The following RRAGD variants were observed in gnomAD, a reference collection of about 807,000 sequenced individuals.
RRAGD encodes ras-related GTP-binding protein D.
In RRAGD, 12 loss-of-function variants were observed where a neutral mutation model predicts 35.5. The observed-to-expected ratio is 0.34, with a 90% CI of 0.22 to 0.55. RRAGD has a LOEUF of 0.55. Ranked by LOEUF, RRAGD falls within the 20% of genes least tolerant of loss-of-function variation. The pLI is 0.91. For missense variants in RRAGD, 324 were observed against 490.1 expected (o/e 0.66, Z 3.20); for synonymous variants, 155 against 178.9 (o/e 0.87, Z 1.07).
rs1263730778 is a variant in RRAGD, at chr6:89,368,052, T to C, written c.*4A>G. ...GATTTCAAAAGACATTCCTGAAACC[T>C]CACCTACAGCAGCACTCTAGGGGTC... On this transcript the variant is annotated 3_prime_UTR_variant, in exon 7 of 7. Transcript: ENST00000369415. 1.3e-6 allele frequency: 2 copies of C among 1,591,232 alleles called. No homozygotes were observed. The highest frequency in any genetic ancestry group is 3.6e-5 in the Admixed American group (2 of 55,184).
intron 5 of RRAGD, 38 bp downstream of exon 5, chr6:89,377,633 G>A (rs1346433922): frequency 6.7e-7 from 1 of 1,491,652 alleles, no homozygotes; most frequent in East Asian, 2.5e-5. Context: ...ATGAAGGAAG[G>A]ATGGCTTGAT....
chr6:89,380,562 A>T (rs12055443), intron 2 of RRAGD, among the ~76,000 whole-genome samples, 195 bp from the exon 3 acceptor site: 6,165 of 152,214 alleles, frequency 0.041, 374 homozygotes, highest in East Asian at 0.27. Flanking sequence ...AAGAAAGGCT[A>T]AAAAAATGCA....
intron 5 of RRAGD, among the ~76,000 whole-genome samples, chr6:89,373,130 C>T (rs976862400): frequency 2.6e-5 from 4 of 152,078 alleles, no homozygotes; most frequent in Non-Finnish European, 5.9e-5. Flanking sequence ...TGAACTGGTT[C>T]AATTTACTCT....
intron 5 of RRAGD, among the ~76,000 whole-genome samples, chr6:89,376,537 C>T (rs1406804419): frequency 6.6e-6 from 1 of 152,138 alleles, no homozygotes; most frequent in Non-Finnish European, 1.5e-5. Flanking sequence ...AGATACAATA[C>T]AGATAGCAAC....
chr6:89,376,015 C>T (rs1402422687), intron 5 of RRAGD, among the ~76,000 whole-genome samples: 1 of 152,218 alleles, frequency 6.6e-6, no homozygotes, highest in Non-Finnish European at 1.5e-5. Flanking sequence ...GTTCATTGTA[C>T]TTGATTACCA....
intron 5 of RRAGD, 23 bp from the exon 6 acceptor site, chr6:89,372,608 A>G (rs1397045001): frequency 7.3e-6 from 11 of 1,505,416 alleles, no homozygotes; most frequent in Non-Finnish European, 9.7e-6. Context: ...AGAAACCAAA[A>G]CATGTGACCA....
chr6:89,397,822 G>T (rs1554204655), intron 1 of RRAGD, among the ~76,000 whole-genome samples: 1 of 152,124 alleles, frequency 6.6e-6, no homozygotes, highest in Non-Finnish European at 1.5e-5. Flanking sequence ...ATCTACAGTG[G>T]CAAATAGCGT....
chr6:89,401,590 C>A (rs1376977595), intron 1 of RRAGD, among the ~76,000 whole-genome samples: 10 of 151,728 alleles, frequency 6.6e-5, no homozygotes, highest in African/African-American at 2.2e-4. Flanking sequence ...CAAATGCCTT[C>A]TTTTCCCCCT....
At chr6:89,397,936 C>G (rs1339512193) in intron 1 of RRAGD, among the ~76,000 whole-genome samples, 1 of 152,176 alleles carries the variant, frequency 6.6e-6, no homozygotes, top group African/African-American at 2.4e-5. Context: ...CACCTGAGGT[C>G]AGGAGTTCAA....
At chr6:89,400,833 G>A (rs907590602) in intron 1 of RRAGD, among the ~76,000 whole-genome samples, 2 of 152,106 alleles carry the variant, frequency 1.3e-5, no homozygotes, top group Non-Finnish European at 1.5e-5. Context: ...AGGAGCAATC[G>A]GGGGACAAGT....
chr6:89,409,916 T>C (rs1379701149), intron 1 of RRAGD, among the ~76,000 whole-genome samples: 2 of 152,204 alleles, frequency 1.3e-5, no homozygotes, highest in African/African-American at 4.8e-5. Flanking sequence ...CTTCTCACAA[T>C]ATAAATATAT....
intron 2 of RRAGD, among the ~76,000 whole-genome samples, chr6:89,382,400 AATATATATAT>A (rs58343827): frequency 7.6e-6 from 1 of 130,892 alleles, no homozygotes; most frequent in African/African-American, 3.2e-5. Context: ...TATCTCTAGA[AATATATATAT>A]ATATATATAT....
chr6:89,377,520 T>C, intron 5 of RRAGD, 151 bp downstream of exon 5: 2 of 655,060 alleles, frequency 3.1e-6, no homozygotes, highest in Non-Finnish European at 5.1e-6. Context: ...ATAACTGTTA[T>C]TATTGCATGC....
intron 1 of RRAGD, among the ~76,000 whole-genome samples, chr6:89,390,715 T>C (rs1486768574): frequency 2.0e-5 from 3 of 152,138 alleles, no homozygotes; most frequent in South Asian, 2.1e-4. Flanking sequence ...CTGGCCAACA[T>C]GGTGAAACCC....
chr6:89,393,935 A>G lies in RRAGD; in HGVS notation c.149-6345T>C, dbSNP rs551143666. On this transcript the variant is annotated intron_variant, in intron 1 of 6. Coordinates refer to ENST00000369415, the MANE Select transcript of RRAGD (RefSeq NM_021244.5). ...ATGAATGTATGGATTAAAAAGCAGA[A>G]TAAACACAGATGAAGATGGAAATAG... Among the ~76,000 whole-genome samples the G allele has an allele frequency of 2.6e-4, 39 of 152,352 alleles. No homozygotes were observed. In the South Asian group the frequency reaches 8.1e-3, roughly 32 times the overall value.
intron 1 of RRAGD, among the ~76,000 whole-genome samples, chr6:89,402,902 G>A (rs1015824000): frequency 6.6e-6 from 1 of 152,134 alleles, no homozygotes; most frequent in East Asian, 1.9e-4. Context: ...TCAACCTGTG[G>A]TTGCCATTTA....
intron 1 of RRAGD, among the ~76,000 whole-genome samples, chr6:89,390,108 A>G (rs1769204246): frequency 6.6e-6 from 1 of 152,246 alleles, no homozygotes; most frequent in South Asian, 2.1e-4. Flanking sequence ...AGAAGGCAAC[A>G]TAGGTGTAAA....
At chr6:89,397,294 A>G (rs1769355331) in intron 1 of RRAGD, among the ~76,000 whole-genome samples, 1 of 152,238 alleles carries the variant, frequency 6.6e-6, no homozygotes, top group South Asian at 2.1e-4. Flanking sequence ...GAAATGTAAA[A>G]TGATACTATT....
At chr6:89,392,914 T>C (rs1459676679) in intron 1 of RRAGD, among the ~76,000 whole-genome samples, 1 of 152,198 alleles carries the variant, frequency 6.6e-6, no homozygotes, top group Non-Finnish European at 1.5e-5. Flanking sequence ...GTTCAACACA[T>C]TGCTGATGAC....
Sources: allele counts gnomAD v4.1 joint callset (sites outside exome capture counted in the v4.1 genomes callset), GRCh38; gene constraint gnomAD v4.1.1; transcripts MANE v1.5; gene names NCBI Gene and HGNC (gene_info 2026-07-23, HGNC 2026-07-21).